The following ZNF423 variants were observed in gnomAD, a reference collection of about 807,000 sequenced individuals.
ZNF423 encodes the protein zinc finger protein 423.
Under a neutral mutation model 95.8 loss-of-function variants are expected in ZNF423, and 12 were observed. The ratio of observed to expected loss-of-function variants is 0.13; its 90% confidence interval spans 0.08 to 0.20. The LOEUF (loss-of-function observed/expected upper bound fraction) is 0.20. Among genes scored for constraint, ZNF423 ranks in the 10% least tolerant of loss-of-function variants. The probability of loss-of-function intolerance (pLI) is 1.00; values close to 1 mark genes in which losing one functional copy is unlikely to be tolerated. For synonymous variants in ZNF423, 749 were observed against 711.9 expected, an observed-to-expected ratio of 1.05 and a Z score of -0.83; for missense variants, 1,316 against 1,737.1, an observed-to-expected ratio of 0.76 and a Z score of 4.31.
chr16:49,827,922 T>G (rs1287589207), intron 1 of ZNF423, among the ~76,000 whole-genome samples: 1 of 152,198 alleles, frequency 6.6e-6, no homozygotes, highest in Non-Finnish European at 1.5e-5. Flanking sequence ...TTGAAATCAC[T>G]CTTACACATT....
chr16:49,851,567 G>A (rs2035302019), intron 1 of ZNF423, among the ~76,000 whole-genome samples: 1 of 152,174 alleles, frequency 6.6e-6, no homozygotes, highest in Admixed American at 6.5e-5. Flanking sequence ...CTGCCTTCCT[G>A]GTTCCCCCTC....
At position 49,513,138 on chromosome 16, in the gene ZNF423, G is replaced by A. The variant is rs146383159; in HGVS notation, c.3849+10486C>T. 1.8e-4 allele frequency among the ~76,000 whole-genome samples: 27 copies of A among 152,220 alleles called. No homozygotes were observed. The East Asian group carries it at 4.4e-3, about 25-fold the overall frequency. On this transcript the variant is annotated intron_variant, in intron 7 of 7. Transcript: ENST00000563137. ...AAAATAATGGGGATTGGGAGACTTC[G>A]GGGGGTCAGCAGCCAGCCCAACTCT...
At chr16:49,730,572 T>G (rs2143385780) in intron 3 of ZNF423, 199 bp downstream of exon 3, 1 of 632,798 alleles carries the variant, frequency 1.6e-6, no homozygotes, top group East Asian at 2.8e-5. Context: ...ATCTAATTCC[T>G]GCCTGCCGGA....
chr16:49,847,610 G>T, intron 1 of ZNF423: 1 of 151,784 alleles, frequency 6.6e-6, no homozygotes, highest in Non-Finnish European at 1.5e-5. Flanking sequence ...ACAAGGCAAA[G>T]AACATACCCC....
intron 7 of ZNF423, among the ~76,000 whole-genome samples, chr16:49,498,876 G>A (rs1967268937): frequency 6.6e-6 from 1 of 152,160 alleles, no homozygotes; most frequent in African/African-American, 2.4e-5. Context: ...TCGCTAGTTT[G>A]CACTTCTGAC....
intron 1 of ZNF423, among the ~76,000 whole-genome samples, chr16:49,848,790 C>T (rs1567370916): frequency 6.6e-6 from 1 of 152,136 alleles, no homozygotes; most frequent in Non-Finnish European, 1.5e-5. Context: ...ATTAGTGTCT[C>T]GGACGGAGTT....
chr16:49,819,534 G>A (rs73577330), intron 1 of ZNF423, among the ~76,000 whole-genome samples: 32,794 of 151,616 alleles, frequency 0.22, 3,826 homozygotes, highest in African/African-American at 0.31. Flanking sequence ...TGCAACCTCC[G>A]CCTCCTAGGT....
chr16:49,618,965 AC>A (rs1971968866), intron 5 of ZNF423, among the ~76,000 whole-genome samples: 1 of 152,086 alleles, frequency 6.6e-6, no homozygotes, highest in Admixed American at 6.5e-5. Context: ...GCTGTGATCC[AC>A]CCACCTCCTG....
At chr16:49,847,085 A>G (rs1026641176) in intron 1 of ZNF423, 1 of 152,244 alleles carries the variant, frequency 6.6e-6, no homozygotes, top group African/African-American at 2.4e-5. Context: ...CAGGATAGGG[A>G]ATGACAACAC....
At chr16:49,731,270 C>T in intron 2 of ZNF423, 1 of 974,226 alleles carries the variant, frequency 1.0e-6, no homozygotes, top group Non-Finnish European at 1.2e-6. Context: ...CCTTATTTGT[C>T]TCCTAAAAAC....
intron 5 of ZNF423, among the ~76,000 whole-genome samples, chr16:49,625,783 A>G (rs1431751964): frequency 6.6e-6 from 1 of 152,244 alleles, no homozygotes; most frequent in Non-Finnish European, 1.5e-5. Context: ...CTGTTTTGAC[A>G]ATGTGCCTGA....
At chr16:49,624,927 C>T (rs550919501) in intron 5 of ZNF423, among the ~76,000 whole-genome samples, 1 of 152,298 alleles carries the variant, frequency 6.6e-6, no homozygotes, top group South Asian at 2.1e-4. Context: ...GTGGGTTACA[C>T]AAGTGTGTTT....
intron 1 of ZNF423, among the ~76,000 whole-genome samples, chr16:49,805,612 G>A (rs1350557883): frequency 6.6e-6 from 1 of 152,156 alleles, no homozygotes; most frequent in Non-Finnish European, 1.5e-5. Flanking sequence ...AGCTCGCCAG[G>A]CAGGTAAGGG....
intron 1 of ZNF423, among the ~76,000 whole-genome samples, chr16:49,820,063 T>C (rs1353137199): frequency 1.3e-5 from 2 of 149,902 alleles, no homozygotes; most frequent in Non-Finnish European, 2.9e-5. Flanking sequence ...GATGGATGGA[T>C]GGATGGATGC....
chr16:49,563,019 A>G (rs926978049), intron 5 of ZNF423, among the ~76,000 whole-genome samples: 2 of 152,124 alleles, frequency 1.3e-5, no homozygotes, highest in Non-Finnish European at 2.9e-5. Context: ...TCCTGACCTC[A>G]TGATCCACCC....
intron 1 of ZNF423, among the ~76,000 whole-genome samples, chr16:49,807,907 C>A (rs887785690): frequency 1.3e-5 from 2 of 152,210 alleles, no homozygotes; most frequent in African/African-American, 2.4e-5. Context: ...ACAACTCCTG[C>A]CAGGAGGACA....
chr16:49,611,471 G>T (rs968825086), intron 5 of ZNF423, among the ~76,000 whole-genome samples: 1 of 151,950 alleles, frequency 6.6e-6, no homozygotes, highest in African/African-American at 2.4e-5. Context: ...ACTACAACAT[G>T]TCAAAATTCG....
intron 3 of ZNF423, among the ~76,000 whole-genome samples, chr16:49,666,072 C>A (rs1284088583): frequency 6.6e-6 from 1 of 152,168 alleles, no homozygotes; most frequent in Non-Finnish European, 1.5e-5. Context: ...CTAAATAGTG[C>A]GATCAAAACG....
chr16:49,789,326 T>C (rs979233063), intron 2 of ZNF423, among the ~76,000 whole-genome samples, 161 bp downstream of exon 2: 3 of 152,204 alleles, frequency 2.0e-5, no homozygotes, highest in African/African-American at 7.2e-5. Flanking sequence ...ATTGACCATA[T>C]GGAACTGATA....
Sources: gnomAD v4.1 joint callset for allele counts (sites outside exome capture counted in the v4.1 genomes callset) on GRCh38, gnomAD v4.1.1 for gene constraint, MANE v1.5 for transcripts, NCBI Gene and HGNC (gene_info 2026-07-23, HGNC 2026-07-21) for gene names.